The following SHB variants were observed in gnomAD, a reference collection of about 807,000 sequenced individuals.
The protein encoded by SHB is SH2 domain containing adaptor protein B.
In SHB, 20 loss-of-function variants were observed where a neutral mutation model predicts 52.3. That is an observed-to-expected ratio of 0.38 (90% CI 0.27 to 0.56). SHB has a LOEUF of 0.56. SHB is among the 20% of genes least tolerant of loss of function. SHB has a pLI of 0.71. For synonymous variants in SHB, 397 were observed against 316.5 expected (o/e 1.25, Z -2.70); for missense variants, 825 against 723.3 (o/e 1.14, Z -1.61).
intron 2 of SHB, among the ~76,000 whole-genome samples, chr9:37,998,123 C>T (rs909138917): frequency 1.3e-5 from 2 of 151,442 alleles, no homozygotes; most frequent in Non-Finnish European, 3.0e-5. Context: ...TAAAGGGGAG[C>T]GCGACGGGGA....
intron 3 of SHB, among the ~76,000 whole-genome samples, chr9:37,962,620 C>A (rs774504212): frequency 6.6e-6 from 1 of 151,986 alleles, no homozygotes. Flanking sequence ...CATCCTCCTA[C>A]CTCAGCCTCC....
At chr9:37,968,683 G>A (rs1820559885) in intron 3 of SHB, among the ~76,000 whole-genome samples, 1 of 152,182 alleles carries the variant, frequency 6.6e-6, no homozygotes, top group Non-Finnish European at 1.5e-5. Flanking sequence ...CCTGTCATCT[G>A]GCTCCTCTAT....
At chr9:37,932,274 A>G (rs1832320486) in intron 5 of SHB, among the ~76,000 whole-genome samples, 1 of 486 alleles carries the variant, frequency 2.1e-3, no homozygotes, top group Non-Finnish European at 9.4e-3. Flanking sequence ...ACTCCATCTC[A>G]AAAAAAAAAA....
At chr9:38,036,200 C>T (rs539735596) in intron 1 of SHB, among the ~76,000 whole-genome samples, 2 of 152,298 alleles carry the variant, frequency 1.3e-5, no homozygotes, top group Admixed American at 1.3e-4. Flanking sequence ...CCCAGAGAAA[C>T]ACCAGCCACA....
Position 38,067,786 on chromosome 9 carries a change from A to G in SHB, c.717+143T>C. On this transcript the variant is annotated intron_variant, in intron 1 of 5. Transcript: ENST00000377707. ...GGAAAAGGGCGCGGGAGGAGGCAGA[A>G]GCGGGAAGCAGCACGCCAGCCCCGA... is the stretch of plus-strand genomic sequence containing the variant. The G allele has an allele frequency of 6.6e-6, 6 of 909,070 alleles. No individual in the cohort carries two copies. The East Asian group carries it at 2.0e-4, about 30-fold the overall frequency. 56.3% of individuals were successfully genotyped at this position (909,070 alleles called of 1,614,324 possible). A position where few individuals can be genotyped will look rare whatever the true frequency, so the allele number is the denominator to read the frequency against.
At chr9:38,021,920 C>G (rs1821286628) in intron 1 of SHB, among the ~76,000 whole-genome samples, 1 of 152,198 alleles carries the variant, frequency 6.6e-6, no homozygotes, top group Admixed American at 6.5e-5. Flanking sequence ...GAGTGTCTTG[C>G]TGGCTGAAGG....
Position 37,978,714 on chromosome 9 carries a change from G to A in SHB, c.839-3877C>T, listed in dbSNP as rs147720977. On this transcript the variant is annotated intron_variant, in intron 2 of 5. Coordinates refer to ENST00000377707, the MANE Select transcript of SHB (RefSeq NM_003028.3). ...ATATCTACACTGTGATGACAGCAAC[G>A]TTGTAAGTACAGACATCCACAACAC... Among the ~76,000 whole-genome samples, 97 of 152,306 alleles carry A rather than the reference G, an allele frequency of 6.4e-4. 3 individuals carry two copies. The East Asian group carries it at 0.016, about 26-fold the overall frequency.
At chr9:37,951,332 G>A (rs1832564326) in intron 4 of SHB, among the ~76,000 whole-genome samples, 1 of 152,218 alleles carries the variant, frequency 6.6e-6, no homozygotes, top group Non-Finnish European at 1.5e-5. Context: ...TGAAGTTGGG[G>A]TATGCATGGG....
At position 38,039,904 on chromosome 9, in the gene SHB, A is replaced by G. The variant is rs560932473; in HGVS notation, c.718-23773T>C. 1.8e-3 allele frequency among the ~76,000 whole-genome samples: 267 copies of G among 152,360 alleles called. 1 individual carries two copies. The highest frequency in any genetic ancestry group is 8.7e-3 in the South Asian group (42 of 4,828). ...CCTCTCGACAGGAGTCTGGCGGCCCATGCCCTGCCCTCCATGAATCCCTAG... is the reference window on the plus strand; with the variant it reads ...CCTCTCGACAGGAGTCTGGCGGCCCGTGCCCTGCCCTCCATGAATCCCTAG... On this transcript the variant is annotated intron_variant, in intron 1 of 5. Coordinates refer to ENST00000377707, the MANE Select transcript of SHB (RefSeq NM_003028.3).
chr9:38,024,349 GC>G (rs1225706660), intron 1 of SHB, among the ~76,000 whole-genome samples: 1 of 152,246 alleles, frequency 6.6e-6, no homozygotes, highest in Non-Finnish European at 1.5e-5. Flanking sequence ...ACAGTGACCT[GC>G]CCCACATGTC....
At chr9:38,013,795 C>A (rs968736085) in intron 2 of SHB, among the ~76,000 whole-genome samples, 1 of 152,180 alleles carries the variant, frequency 6.6e-6, no homozygotes, top group African/African-American at 2.4e-5. Context: ...GTGTGGACTC[C>A]TGTAACAACA....
chr9:37,966,712 C>T (rs181753602), intron 3 of SHB, among the ~76,000 whole-genome samples: 1 of 152,194 alleles, frequency 6.6e-6, no homozygotes, highest in African/African-American at 2.4e-5. Context: ...TTGGAAGAGA[C>T]AGCATTCTCC....
chr9:38,053,332 G>T (rs1335601755), intron 1 of SHB, among the ~76,000 whole-genome samples: 2 of 152,086 alleles, frequency 1.3e-5, no homozygotes, highest in African/African-American at 4.8e-5. Context: ...CCACCTCCCG[G>T]GTTCAAGCAA....
chr9:38,044,202 G>A (rs1251255771), intron 1 of SHB, among the ~76,000 whole-genome samples: 1 of 152,208 alleles, frequency 6.6e-6, no homozygotes, highest in Non-Finnish European at 1.5e-5. Flanking sequence ...CACCGGAAAG[G>A]GCAAATAATG....
At chr9:37,927,140 T>C (rs1422139097) in intron 5 of SHB, among the ~76,000 whole-genome samples, 1 of 152,210 alleles carries the variant, frequency 6.6e-6, no homozygotes, top group African/African-American at 2.4e-5. Flanking sequence ...AGGATGTAAG[T>C]GCATCTCACT....
chr9:37,962,611 ATCC>A (rs1215865153), intron 3 of SHB, among the ~76,000 whole-genome samples: 2 of 151,458 alleles, frequency 1.3e-5, no homozygotes, highest in Admixed American at 6.6e-5. Context: ...GGCTCAAGCC[ATCC>A]TCCTACCTCA....
chr9:38,027,439 C>T (rs115813100), intron 1 of SHB, among the ~76,000 whole-genome samples: 393 of 152,244 alleles, frequency 2.6e-3, no homozygotes, highest in African/African-American at 8.8e-3. Context: ...AGAAAAGATG[C>T]TGCTCTTATC....
chr9:37,958,582 T>C (rs1285938201), intron 3 of SHB, among the ~76,000 whole-genome samples: 3 of 152,180 alleles, frequency 2.0e-5, no homozygotes, highest in Admixed American at 1.3e-4. Context: ...CTGGCCACAG[T>C]TCTTTCCTGT....
At chr9:37,921,962 G>C (rs776008) in intron 5 of SHB, among the ~76,000 whole-genome samples, 64,846 of 152,176 alleles carry the variant, frequency 0.43, 14,052 homozygotes, top group Middle Eastern at 0.49. Flanking sequence ...GGTGTGGAAG[G>C]GCGAGAGAGC....
Sources: gnomAD v4.1 joint callset for allele counts (sites outside exome capture counted in the v4.1 genomes callset) on GRCh38, gnomAD v4.1.1 for gene constraint, MANE v1.5 for transcripts, NCBI Gene and HGNC (gene_info 2026-07-23, HGNC 2026-07-21) for gene names.